TRAF3IP1: variants seen among roughly 807,000 people sequenced by gnomAD.
TRAF3IP1 encodes TRAF3-interacting protein 1.
Under a neutral mutation model 89.9 loss-of-function variants are expected in TRAF3IP1, and 53 were observed. That is an observed-to-expected ratio of 0.59 (90% CI 0.47 to 0.74). TRAF3IP1 has a LOEUF of 0.74. Ranked by LOEUF, TRAF3IP1 falls within the 30% of genes least tolerant of loss-of-function variation. The probability of loss-of-function intolerance (pLI) is 0.00; values close to 1 mark genes in which losing one functional copy is unlikely to be tolerated. For missense variants in TRAF3IP1, 806 were observed against 866.1 expected (o/e 0.93, Z 0.87); for synonymous variants, 311 against 322.1 (o/e 0.97, Z 0.37).
At chr2:238,326,067 A>G (rs1246760303) in intron 3 of TRAF3IP1, 97 bp downstream of exon 3, 1 of 1,222,634 alleles carries the variant, frequency 8.2e-7, no homozygotes, top group Admixed American at 2.5e-5. Context: ...TTAGGGAAGG[A>G]GTTTCAGTGG....
chr2:238,352,986 A>G (rs1574929856), intron 13 of TRAF3IP1, 36 bp downstream of exon 13: 2 of 1,586,218 alleles, frequency 1.3e-6, no homozygotes, highest in Non-Finnish European at 1.7e-6. Context: ...TTTAATAATA[A>G]TGTTTTACCT....
intron 15 of TRAF3IP1, among the ~76,000 whole-genome samples, chr2:238,388,093 G>A (rs1700846659): frequency 6.6e-6 from 1 of 151,890 alleles, no homozygotes. Flanking sequence ...CAAAAAATTA[G>A]TCGGGTCCGG....
At chr2:238,325,418 G>A in intron 2 of TRAF3IP1, 44 bp downstream of exon 2, 9 of 1,603,532 alleles carry the variant, frequency 5.6e-6, no homozygotes, top group African/African-American at 1.3e-5. Flanking sequence ...TCGCCTTAAC[G>A]GATGGGATTT....
rs1372314326 is a variant in TRAF3IP1 at position 238,328,763 on chromosome 2, A to T, written c.432A>T (p.Ser144=). 1 of 1,614,002 alleles carries T rather than the reference A, an allele frequency of 6.2e-7. No homozygotes were observed. The change falls in exon 4 of 17, where the codon TCA becomes TCT. Residue 144 remains serine (S), a synonymous_variant. Transcript: ENST00000373327. ...TGAAAGGCCGGGCCTCACTGACCTC[A>T]AGATCTCAGGAATTGGATAATAAGA... ...GEVKGRASLT[S]RSQELDNKNV...
chr2:238,320,852 C>T, intron 1 of TRAF3IP1, 67 bp downstream of exon 1: 1 of 1,233,720 alleles, frequency 8.1e-7, no homozygotes. Flanking sequence ...AGGTCAGGGC[C>T]CGGGCCGGGT....
In TRAF3IP1 at chr2:238,320,715, G is replaced by T. The variant is rs1308601851; in HGVS notation, c.53G>T (p.Arg18Leu). 1 of 1,447,584 alleles carries T rather than the reference G, an allele frequency of 6.9e-7. No individual in the cohort carries two copies. 89.7% of individuals were successfully genotyped at this position (1,447,584 alleles called of 1,614,324 possible). A position where few individuals can be genotyped will look rare whatever the true frequency, so the allele number is the denominator to read the frequency against. The change falls in exon 1 of 17, where the codon CGG becomes CTG. Residue 18 changes from arginine (R) to leucine (L), a missense_variant. Arg to Leu is a moderately radical substitution (Grantham distance 102). Around this residue, in one of 3 missense-constraint regions of TRAF3IP1, gnomAD observed 732 missense variants for 780.5 expected, o/e 0.94. Transcript: ENST00000373327. Reference sequence around the variant, plus strand: ...CAGGAGGCGCTGGGGAAAGTGATTCGGAGGCCGCCGCTGACCGAGAAGCTG... The same window carrying T: ...CAGGAGGCGCTGGGGAAAGTGATTCTGAGGCCGCCGCTGACCGAGAAGCTG... ...RTQEALGKVI[R>L]RPPLTEKLLS...
At chr2:238,382,840 C>A (rs573372364) in intron 15 of TRAF3IP1, among the ~76,000 whole-genome samples, 51 of 149,242 alleles carry the variant, frequency 3.4e-4, no homozygotes, top group Non-Finnish European at 6.7e-4. Flanking sequence ...CTGCCTTCAT[C>A]AGTTCCCTGG....
intron 3 of TRAF3IP1, 95 bp downstream of exon 3, chr2:238,326,065 G>A (rs935245632): frequency 4.7e-6 from 6 of 1,268,396 alleles, no homozygotes; most frequent in Non-Finnish European, 6.5e-6. Context: ...GTTTAGGGAA[G>A]GAGTTTCAGT....
rs772978035 is a variant in TRAF3IP1, at chr2:238,398,818, G to A, written c.1975G>A (p.Asp659Asn). 2 of 1,613,188 alleles carry A rather than the reference G, an allele frequency of 1.2e-6. No homozygotes were observed. Among genetic ancestry groups the A allele is most frequent in the African/African-American group, 2.7e-5 (2 of 74,838 alleles). The change falls in exon 17 of 17, where the codon GAC becomes AAC. Residue 659 changes from aspartate to asparagine, a missense_variant. Coordinates refer to ENST00000373327, the MANE Select transcript of TRAF3IP1 (RefSeq NM_015650.4). The part of the protein sequence containing the change: ...ELAELEQLIK[D>N]QQDKICAVKA... ...CGCGGAGCTGGAGCAGCTGATCAAA[G>A]ACCAGCAAGACAAGATCTGTGCTGT...
chr2:238,355,187 G>T (rs1259727279), intron 14 of TRAF3IP1, among the ~76,000 whole-genome samples: 1 of 152,042 alleles, frequency 6.6e-6, no homozygotes, highest in Non-Finnish European at 1.5e-5. Flanking sequence ...ACAAAACCAG[G>T]TATAATCAGA....
chr2:238,384,808 T>C (rs1700699142), intron 15 of TRAF3IP1, among the ~76,000 whole-genome samples: 1 of 152,150 alleles, frequency 6.6e-6, no homozygotes, highest in Admixed American at 6.5e-5. Flanking sequence ...AATTTTTTCC[T>C]AAAGCATGTA....
intron 1 of TRAF3IP1, 105 bp from the exon 2 acceptor site, chr2:238,325,201 G>A: frequency 1.8e-6 from 2 of 1,100,374 alleles, no homozygotes; most frequent in Middle Eastern, 2.2e-4. Flanking sequence ...TCAAATCTGG[G>A]CTGCTAGTCA....
rs770438232 is a variant in TRAF3IP1, at chr2:238,397,427, G to A, written c.1690-32G>A. The A allele has an allele frequency of 8.1e-6, 13 of 1,603,770 alleles. 1 individual carries two copies. The highest frequency in any genetic ancestry group is 3.3e-5 in the Admixed American group (2 of 59,958). On this transcript the variant is annotated intron_variant, in intron 15 of 16. Coordinates refer to ENST00000373327, the MANE Select transcript of TRAF3IP1 (RefSeq NM_015650.4). Reference sequence around the variant, plus strand: ...TGTTCTGCCTTTGGACTGAGGAGGCGTGTTCCTCTTCCTATGTCTCCCTGA... The same window carrying A: ...TGTTCTGCCTTTGGACTGAGGAGGCATGTTCCTCTTCCTATGTCTCCCTGA...
At chr2:238,384,340 G>A (rs536476694) in intron 15 of TRAF3IP1, among the ~76,000 whole-genome samples, 145 of 118,628 alleles carry the variant, frequency 1.2e-3, no homozygotes, top group African/African-American at 4.7e-3. Context: ...TCAACCTGAT[G>A]TATGTATGTA....
intron 15 of TRAF3IP1, among the ~76,000 whole-genome samples, chr2:238,382,325 G>T (rs4663887): frequency 6.6e-6 from 1 of 151,996 alleles, no homozygotes; most frequent in African/African-American, 2.4e-5. Context: ...TGGTGGAATC[G>T]TTGACTGTCA....
At chr2:238,331,588 T>C (rs906758260) in intron 5 of TRAF3IP1, among the ~76,000 whole-genome samples, 1 of 152,222 alleles carries the variant, frequency 6.6e-6, no homozygotes. Flanking sequence ...GGCGAAGTGA[T>C]TTTTTCCTAC....
At chr2:238,325,395 T>C (rs1032446408) in intron 2 of TRAF3IP1, 21 bp downstream of exon 2, 60 of 1,613,260 alleles carry the variant, frequency 3.7e-5, no homozygotes, top group Non-Finnish European at 4.7e-5. Flanking sequence ...GTCGGGCTTC[T>C]CCTATTGACT....
chr2:238,357,014 G>A (rs1163683441), intron 15 of TRAF3IP1, among the ~76,000 whole-genome samples: 2 of 152,104 alleles, frequency 1.3e-5, no homozygotes, highest in Non-Finnish European at 2.9e-5. Flanking sequence ...TCCTGACCTC[G>A]TGATCCACCC....
At chr2:238,377,480 A>T (rs1700370655) in intron 15 of TRAF3IP1, among the ~76,000 whole-genome samples, 1 of 151,952 alleles carries the variant, frequency 6.6e-6, no homozygotes, top group African/African-American at 2.4e-5. Context: ...GTCGATTGAG[A>T]TGATTCTATT....
Sources: allele counts gnomAD v4.1 joint callset (sites outside exome capture counted in the v4.1 genomes callset), GRCh38; gene constraint gnomAD v4.1.1; regional missense constraint gnomAD v4.1.1; transcripts MANE v1.5; gene names NCBI Gene and HGNC (gene_info 2026-07-23, HGNC 2026-07-21).